RIPOR2: variants seen among roughly 807,000 people sequenced by gnomAD.
RIPOR2 encodes RHO family interacting cell polarization regulator 2.
RIPOR2 carries 39 observed loss-of-function variants against 114.5 expected under a neutral mutation model. The ratio of observed to expected loss-of-function variants is 0.34; its 90% CI spans 0.26 to 0.44. The LOEUF (loss-of-function observed/expected upper bound fraction) is 0.44. Among genes scored for constraint, RIPOR2 ranks in the 20% least tolerant of loss-of-function variants. The pLI is 1.00. For synonymous variants in RIPOR2, 445 were observed against 484.4 expected (o/e 0.92, Z 1.07); for missense variants, 1,007 against 1,255.1 (o/e 0.80, Z 2.99).
In RIPOR2 at chr6:24,819,744, G is replaced by T. The variant is rs1018157911; in HGVS notation, c.2869-1119C>A. Among the ~76,000 whole-genome samples, 9 of 145,670 alleles carry T rather than the reference G, an allele frequency of 6.2e-5. 1 individual carries two copies. In the South Asian group the frequency reaches 1.1e-3, roughly 18 times the overall value. ...TCTTGAATTCCTGACCTTGTGATCC[G>T]CCCACCTCGGCCTCCCAAAGTGTTG... On this transcript the variant is annotated intron_variant, in intron 19 of 21. Coordinates refer to ENST00000643898, the MANE Select transcript of RIPOR2 (RefSeq NM_001286445.3).
chr6:25,007,106 G>A (rs1168860454), intron 1 of RIPOR2, among the ~76,000 whole-genome samples: 1 of 151,664 alleles, frequency 6.6e-6, no homozygotes, highest in African/African-American at 2.4e-5. Context: ...TTTTGGCTAT[G>A]GTGACATGGA....
intron 1 of RIPOR2, among the ~76,000 whole-genome samples, chr6:25,021,498 T>C (rs539479555): frequency 1.3e-5 from 2 of 152,296 alleles, no homozygotes; most frequent in African/African-American, 4.8e-5. Context: ...GTGACCTGGG[T>C]GAGATTGGAG....
chr6:24,875,884 T>G, intron 1 of RIPOR2, 67 bp from the exon 2 acceptor site: 1 of 1,428,190 alleles, frequency 7.0e-7, no homozygotes, highest in Middle Eastern at 1.8e-4. Flanking sequence ...ACTAAGCTTG[T>G]CAACAATGAT....
chr6:24,832,415 G>C (rs770791161), intron 15 of RIPOR2, 24 bp from the exon 16 acceptor site: 2 of 1,550,838 alleles, frequency 1.3e-6, no homozygotes, highest in Non-Finnish European at 1.7e-6. Context: ...CAAAACTCCT[G>C]TTTCAATTAT....
rs549278292 is a variant in RIPOR2 at position 24,895,244 on chromosome 6, T to C, written c.62-19427A>G. On this transcript the variant is annotated intron_variant, in intron 1 of 21. Coordinates refer to ENST00000643898, the MANE Select transcript of RIPOR2 (RefSeq NM_001286445.3). ...ATTTTTTTATTTAGTAGAGATGGGGTTTCACTATGTTGGTCAGGCTGGTCT... is the reference window on the plus strand; with the variant it reads ...ATTTTTTTATTTAGTAGAGATGGGGCTTCACTATGTTGGTCAGGCTGGTCT... Among the ~76,000 whole-genome samples the C allele has an allele frequency of 5.9e-5, 9 of 152,162 alleles. No homozygotes were observed. The South Asian group carries it at 1.7e-3, about 28-fold the overall frequency.
At chr6:24,833,955 T>G (rs989030739) in intron 15 of RIPOR2, among the ~76,000 whole-genome samples, 4 of 144,490 alleles carry the variant, frequency 2.8e-5, no homozygotes, top group Admixed American at 2.7e-4. Context: ...GCTATTATTC[T>G]CTAAAAGAGA....
chr6:24,810,712 G>C (rs765658312), intron 20 of RIPOR2, among the ~76,000 whole-genome samples: 2 of 152,052 alleles, frequency 1.3e-5, no homozygotes, highest in Non-Finnish European at 2.9e-5. Context: ...TATCAGGAAA[G>C]CACCCAAATA....
chr6:24,915,170 C>G (rs1290197822), intron 1 of RIPOR2, among the ~76,000 whole-genome samples: 1 of 152,088 alleles, frequency 6.6e-6, no homozygotes, highest in Non-Finnish European at 1.5e-5. Context: ...GGTCTTTACT[C>G]TTATGACCTT....
intron 1 of RIPOR2, among the ~76,000 whole-genome samples, chr6:25,010,639 C>A (rs899014011): frequency 6.6e-6 from 1 of 152,126 alleles, no homozygotes; most frequent in South Asian, 2.1e-4. Flanking sequence ...GCTATGGGAG[C>A]GCCAGGATTT....
intron 1 of RIPOR2, among the ~76,000 whole-genome samples, chr6:25,019,600 C>A (rs1776199401): frequency 6.7e-6 from 1 of 149,930 alleles, no homozygotes. Context: ...AAAAAAAAAC[C>A]CCTCTCTACT....
chr6:24,828,478 G>A (rs1027802365), intron 17 of RIPOR2, among the ~76,000 whole-genome samples, 183 bp from the exon 18 acceptor site: 2 of 152,136 alleles, frequency 1.3e-5, no homozygotes, highest in African/African-American at 4.8e-5. Flanking sequence ...AGATGGAATT[G>A]CAGGCATGAG....
intron 1 of RIPOR2, among the ~76,000 whole-genome samples, chr6:24,913,043 A>G (rs977545570): frequency 3.9e-5 from 6 of 152,144 alleles, no homozygotes; most frequent in Non-Finnish European, 8.8e-5. Context: ...GTGATTCCAA[A>G]TCAAGTGCTC....
chr6:24,928,350 A>T (rs1771120214), intron 1 of RIPOR2, among the ~76,000 whole-genome samples: 1 of 152,208 alleles, frequency 6.6e-6, no homozygotes, highest in Admixed American at 6.5e-5. Flanking sequence ...ATACCATTCT[A>T]CTAGTGTATT....
upstream of RIPOR2, among the ~76,000 whole-genome samples, chr6:24,939,780 G>A (rs988849989): frequency 6.6e-6 from 1 of 152,124 alleles, no homozygotes; most frequent in Admixed American, 6.6e-5. Flanking sequence ...ATTGGATTTG[G>A]GGAAGAGAAC....
chr6:25,037,801 C>A lies in RIPOR2; in HGVS notation c.76+4050G>T, dbSNP rs184905289. On this transcript the variant is annotated intron_variant, in intron 1 of 13. Coordinates refer to the RIPOR2 transcript ENST00000510784. This position sits in a 1 kb window ranked among gnomAD's most constrained non-coding sequence, Gnocchi z 4.5. The stretch of plus-strand genomic sequence containing the variant: ...GAGTTTAATTTTGATGGAACCCAAA[C>A]GGTTATTGAGTAGATGAGGTACCAG... 1.3e-5 allele frequency among the ~76,000 whole-genome samples: 2 copies of A among 151,664 alleles called. No homozygotes were observed. The highest frequency in any genetic ancestry group is 3.0e-5 in the Non-Finnish European group (2 of 67,710).
chr6:25,018,890 A>G (rs926357596), intron 1 of RIPOR2, among the ~76,000 whole-genome samples: 1 of 152,194 alleles, frequency 6.6e-6, no homozygotes, highest in African/African-American at 2.4e-5. Context: ...TTGGATATCT[A>G]TTGATGATCA....
intron 1 of RIPOR2, among the ~76,000 whole-genome samples, chr6:24,905,311 C>G (rs1384844877): frequency 6.6e-6 from 1 of 151,980 alleles, no homozygotes; most frequent in Non-Finnish European, 1.5e-5. Context: ...TGTTGGATCA[C>G]CTGTGGGTGT....
At chr6:24,844,606 G>A (rs1410497999) in intron 12 of RIPOR2, among the ~76,000 whole-genome samples, 1 of 151,986 alleles carries the variant, frequency 6.6e-6, no homozygotes, top group African/African-American at 2.4e-5. Context: ...AAGTAGCTAG[G>A]ATTACAGGCA....
rs751735515 is a variant in RIPOR2 at position 24,935,866 on chromosome 6, G to A, written c.33C>T (p.Val11=). The A allele has an allele frequency of 3.2e-5, 49 of 1,535,140 alleles. No homozygotes were observed. In the Middle Eastern group the frequency reaches 5.0e-4, roughly 16 times the overall value. The change falls in exon 1 of 22, where the codon GTC becomes GTT. Residue 11 remains valine, a synonymous_variant. Coordinates refer to ENST00000643898, the MANE Select transcript of RIPOR2 (RefSeq NM_001286445.3). The part of the protein sequence containing the change: MQFFDAEELL[V]DEEDDVFGEG... ...CACCAAAAACATCATCCTCTTCATC[G>A]ACCAGGAGCTCCTCAGCATCAAAAA...
Sources: gnomAD v4.1 joint callset for allele counts (sites outside exome capture counted in the v4.1 genomes callset) on GRCh38, gnomAD v4.1.1 for gene constraint, Gnocchi (gnomAD v3.1) non-coding constraint, MANE v1.5 for transcripts, NCBI Gene and HGNC (gene_info 2026-07-23, HGNC 2026-07-21) for gene names.